MREG: variants seen among roughly 807,000 people sequenced by gnomAD.
MREG encodes the protein dilute suppressor protein homolog.
MREG carries 31 observed loss-of-function variants against 28.5 expected under a neutral mutation model. The ratio of observed to expected loss-of-function variants is 1.09; its 90% CI spans 0.82 to 1.47. The LOEUF (loss-of-function observed/expected upper bound fraction) is 1.47. Among genes scored for constraint, MREG ranks in the 40% most tolerant of loss-of-function variants. The pLI is 0.00. For synonymous variants in MREG, 106 were observed against 95.2 expected, an observed-to-expected ratio of 1.11 and a Z score of -0.66; for missense variants, 256 against 257.4, an observed-to-expected ratio of 0.99 and a Z score of 0.04.
At chr2:215,988,482 C>A (rs1221226947) in intron 2 of MREG, among the ~76,000 whole-genome samples, 1 of 152,188 alleles carries the variant, frequency 6.6e-6, no homozygotes, top group Non-Finnish European at 1.5e-5. Context: ...TCACCAGACA[C>A]CGAGCTAGCT....
intron 2 of MREG, among the ~76,000 whole-genome samples, chr2:215,995,276 C>T (rs1319464905): frequency 6.6e-6 from 1 of 152,174 alleles, no homozygotes; most frequent in African/African-American, 2.4e-5. Flanking sequence ...CTTCCCCAGG[C>T]CTCAAGAGCA....
chr2:216,004,177 C>G (rs1419970888), intron 1 of MREG, among the ~76,000 whole-genome samples: 1 of 152,146 alleles, frequency 6.6e-6, no homozygotes, highest in Non-Finnish European at 1.5e-5. Flanking sequence ...GCCACGTCCT[C>G]ACTCCTCCCT....
chr2:215,990,419 C>T (rs549192989), intron 2 of MREG, among the ~76,000 whole-genome samples: 45 of 152,204 alleles, frequency 3.0e-4, no homozygotes, highest in African/African-American at 9.9e-4. Flanking sequence ...AAGGAAAAAC[C>T]GGTACCAGCC....
At chr2:215,990,762 G>A (rs1246309150) in intron 2 of MREG, among the ~76,000 whole-genome samples, 1 of 151,980 alleles carries the variant, frequency 6.6e-6, no homozygotes, top group African/African-American at 2.4e-5. Context: ...CTGATAAAAT[G>A]GACTTTAAGC....
At chr2:216,031,216 G>A (rs527366069) in intron 1 of MREG, among the ~76,000 whole-genome samples, 106 of 152,030 alleles carry the variant, frequency 7.0e-4, no homozygotes, top group Middle Eastern at 3.4e-3. Context: ...AGACCAGCCT[G>A]GCCAACACGG....
chr2:215,959,722 G>C (rs1366344147), intron 2 of MREG, among the ~76,000 whole-genome samples: 2 of 152,122 alleles, frequency 1.3e-5, no homozygotes, highest in Non-Finnish European at 2.9e-5. Flanking sequence ...TCTGACACTT[G>C]GGAACACCAC....
chr2:215,968,316 G>A (rs1692999562), intron 2 of MREG, among the ~76,000 whole-genome samples: 1 of 152,130 alleles, frequency 6.6e-6, no homozygotes, highest in Non-Finnish European at 1.5e-5. Flanking sequence ...ACAGCATCAG[G>A]TAACAGAGTA....
rs1200071830 is a variant in MREG at position 215,996,324 on chromosome 2, C to CTGAT, written c.233_236dup (p.Gln80SerfsTer15). 6.2e-7 allele frequency: 1 copy of CTGAT among 1,613,648 alleles called. No individual in the cohort carries two copies. Among genetic ancestry groups the CTGAT allele is most frequent in the African/African-American group, 1.3e-5 (1 of 74,922 alleles). On this transcript the variant is annotated frameshift_variant, in exon 2 of 5. Transcript: ENST00000263268. LOFTEE classifies it high-confidence loss of function. ...TGCTCACCTCTGAGTCTTTGGCCTG[C>CTGAT]TGATTACGAATGACTATCAAATTGT...
chr2:216,003,386 C>T (rs898784445), intron 1 of MREG, among the ~76,000 whole-genome samples: 5 of 152,160 alleles, frequency 3.3e-5, no homozygotes, highest in African/African-American at 1.2e-4. Context: ...GGCTCGAAGA[C>T]GGTCCTGACA....
intron 2 of MREG, among the ~76,000 whole-genome samples, chr2:215,949,035 TCTACTA>T (rs67462853): frequency 0.015 from 1,957 of 131,020 alleles, 46 homozygotes; most frequent in African/African-American, 0.041. Flanking sequence ...AAACCCTGTC[TCTACTA>T]CTACTACTAC....
chr2:215,989,232 CTGGTGA>C (rs1307707467), intron 2 of MREG, among the ~76,000 whole-genome samples: 1 of 152,234 alleles, frequency 6.6e-6, no homozygotes, highest in East Asian at 1.9e-4. Flanking sequence ...ACAGCCTCCG[CTGGTGA>C]TACCCAGGCA....
chr2:215,998,416 C>T (rs1400820552), intron 1 of MREG, among the ~76,000 whole-genome samples: 2 of 152,008 alleles, frequency 1.3e-5, no homozygotes, highest in Non-Finnish European at 2.9e-5. Context: ...GGAACCAAGG[C>T]TAGCAGGAGA....
chr2:215,960,729 G>A (rs1002401176), intron 2 of MREG, among the ~76,000 whole-genome samples: 13 of 152,120 alleles, frequency 8.5e-5, no homozygotes, highest in Non-Finnish European at 1.6e-4. Flanking sequence ...ACCTACTTGG[G>A]AGGCTGAGGC....
At chr2:216,020,557 C>T (rs1016331785) in intron 1 of MREG, among the ~76,000 whole-genome samples, 1 of 152,194 alleles carries the variant, frequency 6.6e-6, no homozygotes, top group African/African-American at 2.4e-5. Context: ...GTCTCATGCA[C>T]ACCCTTGCAG....
intron 2 of MREG, among the ~76,000 whole-genome samples, chr2:215,993,502 T>C (rs550026353): frequency 6.6e-6 from 1 of 152,150 alleles, no homozygotes; most frequent in African/African-American, 2.4e-5. Flanking sequence ...ATTCAGGACA[T>C]AGGCATGGGC....
At chr2:216,032,648 A>C (rs1694727055) in intron 1 of MREG, 1 of 152,216 alleles carries the variant, frequency 6.6e-6, no homozygotes, top group East Asian at 1.9e-4. Flanking sequence ...GAACCACCAT[A>C]AACTACAGGA....
At chr2:215,953,875 GT>G (rs1158061297) in intron 2 of MREG, among the ~76,000 whole-genome samples, 1 of 152,208 alleles carries the variant, frequency 6.6e-6, no homozygotes, top group African/African-American at 2.4e-5. Context: ...CAAAATATTA[GT>G]TTCATATTTT....
intron 1 of MREG, among the ~76,000 whole-genome samples, chr2:216,009,911 T>C (rs1484942983): frequency 6.6e-6 from 1 of 152,140 alleles, no homozygotes; most frequent in Non-Finnish European, 1.5e-5. Context: ...AGTGAAATAA[T>C]TACCAATGCT....
Position 215,943,219 on chromosome 2 carries a change from C to A in MREG, c.*1644G>T. 3.4e-6 allele frequency: 1 copy of A among 294,116 alleles called. No individual in the cohort carries two copies. Among genetic ancestry groups the A allele is most frequent in the South Asian group, 3.1e-5 (1 of 31,944 alleles). The allele number at this position is 294,116 out of a possible 1,614,324, so 18.2% of individuals were successfully genotyped here. A position where few individuals can be genotyped will look rare whatever the true frequency, so the allele number is the denominator to read the frequency against. ...CTCAGCAATCTATGGATTAACCTTA[C>A]AAATCCTTAAAGTCTTTTCAGTAAC... On this transcript the variant is annotated 3_prime_UTR_variant, in exon 5 of 5. Coordinates refer to ENST00000263268, the MANE Select transcript of MREG (RefSeq NM_018000.3).
Sources: allele counts gnomAD v4.1 joint callset (sites outside exome capture counted in the v4.1 genomes callset), GRCh38; gene constraint gnomAD v4.1.1; transcripts MANE v1.5; gene names NCBI Gene and HGNC (gene_info 2026-07-23, HGNC 2026-07-21).